Variants in GRM5 observed in about 807,000 individuals in gnomAD.
GRM5 encodes the protein glutamate metabotropic receptor 5.
In GRM5, 19 loss-of-function variants were observed where a neutral mutation model predicts 83.1. That is an observed-to-expected ratio of 0.23 (90% CI 0.16 to 0.34). GRM5 has a LOEUF of 0.34. Among genes scored for constraint, GRM5 ranks in the 10% least tolerant of loss-of-function variants. The pLI is 1.00. For synonymous variants in GRM5, 675 were observed against 633.6 expected (o/e 1.07, Z -0.98); for missense variants, 1,160 against 1,588.3 (o/e 0.73, Z 4.58).
At chr11:89,065,343 C>CAG (rs1200040723) in intron 1 of GRM5, among the ~76,000 whole-genome samples, 1 of 151,346 alleles carries the variant, frequency 6.6e-6, no homozygotes, top group Non-Finnish European at 1.5e-5. Context: ...GACAGACACA[C>CAG]AGAGAGAGAG....
chr11:88,687,579 A>ATATATTATATATAT lies in GRM5; in HGVS notation c.912-34177_912-34176insATATATATAATATA, dbSNP rs1250226972. Among the ~76,000 whole-genome samples, 51 of 46,840 alleles carry ATATATTATATATAT rather than the reference A, an allele frequency of 1.1e-3. 5 individuals carry two copies. Among genetic ancestry groups the ATATATTATATATAT allele is most frequent in the Middle Eastern group, 0.015 (2 of 130 alleles). 30.7% of individuals were successfully genotyped at this position (46,840 alleles called of 152,430 possible). A position where few individuals can be genotyped will look rare whatever the true frequency, so the allele number is the denominator to read the frequency against. On this transcript the variant is annotated intron_variant, in intron 3 of 9. Coordinates refer to ENST00000305447, the MANE Select transcript of GRM5 (RefSeq NM_001143831.3). Reference sequence around the variant, plus strand: ...ATATATATTATATATATATATATATAATATATATATATATATATTCTCCAC... The same window carrying ATATATTATATATAT: ...ATATATATTATATATATATATATATATATATTATATATATATATATATATATATATATTCTCCAC...
intron 2 of GRM5, among the ~76,000 whole-genome samples, chr11:88,876,176 G>A (rs532070719): frequency 6.6e-6 from 1 of 152,152 alleles, no homozygotes; most frequent in South Asian, 2.1e-4. Flanking sequence ...TCTTATATCT[G>A]GATGACTTGC....
Position 88,567,874 on chromosome 11 carries a change from A to C in GRM5, c.1809T>G (p.Ile603Met), listed in dbSNP as rs757089653. ...ACTTGACTACTGGTGTATCACGGTA[A>C]ATGATGAAGACTACAGTAACAAACA... ...ATLFVTVVFI[I>M]YRDTPVVKSS... The change falls in exon 8 of 10, where the codon ATT becomes ATG. Residue 603 changes from isoleucine (I) to methionine (M), a missense_variant. Physicochemically the swap from Ile to Met is conservative, Grantham distance 10. Transcript: ENST00000305447. This position sits in a 1 kb window ranked among gnomAD's most constrained non-coding sequence, Gnocchi z 7.3. The C allele has an allele frequency of 1.9e-6, 3 of 1,613,856 alleles. No homozygotes were observed. The highest frequency in any genetic ancestry group is 2.5e-6 in the Non-Finnish European group (3 of 1,179,718).
chr11:88,709,740 C>T (rs934101401), intron 3 of GRM5, among the ~76,000 whole-genome samples: 1 of 152,128 alleles, frequency 6.6e-6, no homozygotes, highest in African/African-American at 2.4e-5. Flanking sequence ...GTGCTTCTGG[C>T]ATCATCTCCA....
At chr11:88,595,893 C>T (rs554693515) in intron 6 of GRM5, among the ~76,000 whole-genome samples, 6 of 152,090 alleles carry the variant, frequency 3.9e-5, no homozygotes, top group East Asian at 3.9e-4. Flanking sequence ...ATTCTTGGTC[C>T]GTATTTATTT....
chr11:88,611,635 C>A (rs890103083), intron 4 of GRM5, among the ~76,000 whole-genome samples: 2 of 152,060 alleles, frequency 1.3e-5, no homozygotes, highest in Non-Finnish European at 2.9e-5. Flanking sequence ...AGCAGCCTAT[C>A]AATATTGTTT....
chr11:88,896,805 C>G (rs1233620590), intron 2 of GRM5, among the ~76,000 whole-genome samples: 1 of 151,910 alleles, frequency 6.6e-6, no homozygotes, highest in Non-Finnish European at 1.5e-5. Context: ...ACTACTGATT[C>G]AACTGTTTCT....
At chr11:88,919,381 G>T (rs1565291900) in intron 2 of GRM5, among the ~76,000 whole-genome samples, 1 of 150,164 alleles carries the variant, frequency 6.7e-6, no homozygotes, top group African/African-American at 2.4e-5. Flanking sequence ...CCTAACACTA[G>T]AGAACACAGA....
At chr11:88,855,343 C>T (rs189980826) in intron 2 of GRM5, among the ~76,000 whole-genome samples, 2 of 151,736 alleles carry the variant, frequency 1.3e-5, no homozygotes, top group African/African-American at 2.4e-5. Context: ...ACAGACACCC[C>T]ACATATTCTC....
intron 2 of GRM5, among the ~76,000 whole-genome samples, chr11:88,903,958 G>T (rs1176378034): frequency 6.6e-6 from 1 of 152,166 alleles, no homozygotes; most frequent in Non-Finnish European, 1.5e-5. Flanking sequence ...ATTTCATGCT[G>T]AGTGAGATGG....
At chr11:88,942,652 C>T (rs1938151146) in intron 2 of GRM5, among the ~76,000 whole-genome samples, 1 of 151,686 alleles carries the variant, frequency 6.6e-6, no homozygotes, top group South Asian at 2.1e-4. Flanking sequence ...AACTTTTAAG[C>T]TTAGTAAAGC....
intron 4 of GRM5, among the ~76,000 whole-genome samples, chr11:88,638,080 TCA>T (rs1939185887): frequency 6.8e-6 from 1 of 147,038 alleles, no homozygotes; most frequent in Non-Finnish European, 1.5e-5. Context: ...CTGCGTATTC[TCA>T]CTCTTAGGTG....
intron 2 of GRM5, among the ~76,000 whole-genome samples, chr11:88,908,130 A>G (rs1414841907): frequency 2.0e-5 from 3 of 152,260 alleles, no homozygotes; most frequent in Middle Eastern, 6.8e-3. Flanking sequence ...ATACTTATCC[A>G]TATTTTAGCA....
At chr11:88,581,157 A>G (rs1320824934) in intron 7 of GRM5, among the ~76,000 whole-genome samples, 1 of 152,152 alleles carries the variant, frequency 6.6e-6, no homozygotes, top group Non-Finnish European at 1.5e-5. Context: ...AACACAGGTT[A>G]AAACTTTCCC....
chr11:88,524,527 T>C (rs185074502), intron 9 of GRM5, among the ~76,000 whole-genome samples: 54 of 152,334 alleles, frequency 3.5e-4, no homozygotes, highest in Non-Finnish European at 6.0e-4. Flanking sequence ...CCCAGGGCCC[T>C]TTTCTTAAAA....
At chr11:88,978,474 T>TATAAAAAAA in intron 2 of GRM5, among the ~76,000 whole-genome samples, 1 of 97,988 alleles carries the variant, frequency 1.0e-5, no homozygotes, top group South Asian at 3.1e-4. Context: ...CAGATGAGCT[T>TATAAAAAAA]AAAAAAAAAA....
chr11:89,038,178 T>A (rs929368520), intron 2 of GRM5, among the ~76,000 whole-genome samples: 7 of 146,852 alleles, frequency 4.8e-5, no homozygotes, highest in Non-Finnish European at 7.5e-5. Flanking sequence ...TGTGTGTGTG[T>A]GAAAATCAAT....
intron 2 of GRM5, among the ~76,000 whole-genome samples, chr11:88,975,679 T>C (rs1033669226): frequency 3.3e-5 from 5 of 152,226 alleles, no homozygotes; most frequent in Admixed American, 6.5e-5. Context: ...TTTAACATTA[T>C]CCCCAGTTGA....
intron 2 of GRM5, among the ~76,000 whole-genome samples, chr11:88,954,741 T>C (rs1257973321): frequency 6.6e-6 from 1 of 152,172 alleles, no homozygotes; most frequent in Non-Finnish European, 1.5e-5. Context: ...ATTTCCCCTG[T>C]GTTCTGTCCT....
Sources: gnomAD v4.1 joint callset for allele counts (sites outside exome capture counted in the v4.1 genomes callset) on GRCh38, gnomAD v4.1.1 for gene constraint, Gnocchi (gnomAD v3.1) non-coding constraint, MANE v1.5 for transcripts, NCBI Gene and HGNC (gene_info 2026-07-23, HGNC 2026-07-21) for gene names.